Variants in GSE1 observed in about 807,000 individuals in gnomAD.
GSE1 encodes Gse1 coiled-coil protein, also known as genetic suppressor element 1.
GSE1 carries 32 observed loss-of-function variants against 112.6 expected under a neutral mutation model. The ratio of observed to expected loss-of-function variants is 0.28; its 90% confidence interval spans 0.21 to 0.38. The LOEUF is 0.38. Among genes scored for constraint, GSE1 ranks in the 10% least tolerant of loss-of-function variants. GSE1 has a pLI of 1.00. For missense variants in GSE1, 2,348 were observed against 1,699.2 expected (o/e 1.38, Z -6.71); for synonymous variants, 1,115 against 735.6 (o/e 1.52, Z -8.35).
At chr16:85,378,861 C>A (rs2047482960) in intron 2 of GSE1, among the ~76,000 whole-genome samples, 1 of 152,206 alleles carries the variant, frequency 6.6e-6, no homozygotes, top group African/African-American at 2.4e-5. Context: ...TGCTCCCTCT[C>A]CTCCACTTGA....
chr16:85,564,619 C>T (rs1260865933), intron 1 of GSE1, among the ~76,000 whole-genome samples: 1 of 152,226 alleles, frequency 6.6e-6, no homozygotes, highest in African/African-American at 2.4e-5. Flanking sequence ...GCCACCACTC[C>T]TGCCCCGTTG....
intron 2 of GSE1, among the ~76,000 whole-genome samples, chr16:85,645,941 C>T (rs149339734): frequency 3.7e-4 from 56 of 150,678 alleles, no homozygotes; most frequent in African/African-American, 1.1e-3. Context: ...GCTTCTACCA[C>T]GCATTCTACC....
At position 85,674,611 on chromosome 16, in the gene GSE1, G is replaced by A. The variant is rs980658352; in HGVS notation, c.*2072G>A. ...TCAGGCCTCCTCCTCCATCACAGAT[G>A]TCTGGATGCTTTTGGAAATGGCCTT... On this transcript the variant is annotated 3_prime_UTR_variant, in exon 16 of 16. Coordinates refer to ENST00000253458, the MANE Select transcript of GSE1 (RefSeq NM_014615.5). 6.6e-6 allele frequency: 1 copy of A among 152,276 alleles called. No individual in the cohort carries two copies. The highest frequency in any genetic ancestry group is 1.5e-5 in the Non-Finnish European group (1 of 68,052). The allele number at this position is 152,276 out of a possible 1,614,324, so 9.4% of individuals were successfully genotyped here.
chr16:85,660,632 T>G (rs1328855258), intron 8 of GSE1, among the ~76,000 whole-genome samples: 1 of 151,682 alleles, frequency 6.6e-6, no homozygotes, highest in Non-Finnish European at 1.5e-5. Context: ...GAGTGAGTCT[T>G]TTTTTTTGTT....
intron 2 of GSE1, among the ~76,000 whole-genome samples, chr16:85,641,909 C>T (rs1269099148): frequency 6.6e-6 from 1 of 152,226 alleles, no homozygotes; most frequent in Non-Finnish European, 1.5e-5. Context: ...CATGTCGCCA[C>T]AAGTCCGCCC....
Position 85,656,554 on chromosome 16 carries a change from G to C in GSE1, c.1201G>C (p.Ala401Pro). The change falls in exon 7 of 16, where the codon GCC (alanine) becomes CCC (proline). Residue 401 changes from alanine to proline, a missense_variant. Physicochemically the swap from Ala to Pro is conservative, Grantham distance 27 (BLOSUM62 -1). Transcript: ENST00000253458. Reference sequence around the variant, plus strand: ...GGCCCGGGAGAAGGAGCTGCTGGCCGCCAAGGCCCTGGAGCCCAGCTTCCT... The same window carrying C: ...GGCCCGGGAGAAGGAGCTGCTGGCCCCCAAGGCCCTGGAGCCCAGCTTCCT... ...QRAREKELLA[A>P]KALEPSFLPV... 1 of 1,548,482 alleles carries C rather than the reference G, an allele frequency of 6.5e-7. No individual in the cohort carries two copies. Among genetic ancestry groups the C allele is most frequent in the Non-Finnish European group, 8.7e-7 (1 of 1,146,362 alleles).
chr16:85,463,049 GC>G (rs1253845936), intron 2 of GSE1: 9 of 976,238 alleles, frequency 9.2e-6, no homozygotes, highest in Non-Finnish European at 9.7e-6. Context: ...CCTCCTAGAG[GC>G]CCCGGGTCCC....
At chr16:85,407,329 C>G (rs2048325893) in intron 2 of GSE1, among the ~76,000 whole-genome samples, 1 of 30,672 alleles carries the variant, frequency 3.3e-5, no homozygotes, top group Non-Finnish European at 5.1e-5. Flanking sequence ...CTGTTACTCT[C>G]AGGCCCCCCG....
intron 1 of GSE1, among the ~76,000 whole-genome samples, chr16:85,230,412 G>A (rs766691403): frequency 1.1e-4 from 17 of 152,174 alleles, no homozygotes; most frequent in Non-Finnish European, 2.1e-4. Context: ...TGCAACTGAC[G>A]CAAACCCAAC....
chr16:85,187,717 T>G (rs1401984581), intron 1 of GSE1, among the ~76,000 whole-genome samples: 1 of 152,164 alleles, frequency 6.6e-6, no homozygotes, highest in Non-Finnish European at 1.5e-5. Context: ...TCTCTGGGCC[T>G]TGGGCTCCTC....
chr16:85,601,846 A>G (rs916241281), intron 1 of GSE1, among the ~76,000 whole-genome samples: 1 of 152,184 alleles, frequency 6.6e-6, no homozygotes, highest in African/African-American at 2.4e-5. Context: ...TGCCCTGGAC[A>G]CCAGGGTCTC....
chr16:85,471,898 C>T (rs1047401512), intron 2 of GSE1, among the ~76,000 whole-genome samples: 1 of 152,214 alleles, frequency 6.6e-6, no homozygotes, highest in Non-Finnish European at 1.5e-5. Flanking sequence ...GTTAAGTGCC[C>T]ACTTGTGGCT....
chr16:85,345,185 C>G (rs1168184233), intron 1 of GSE1, among the ~76,000 whole-genome samples: 4 of 150,826 alleles, frequency 2.7e-5, no homozygotes, highest in African/African-American at 7.3e-5. Context: ...CTAAGAAAGG[C>G]TTTCACGTTT....
At chr16:85,633,639 CT>C (rs1245682218) in intron 1 of GSE1, among the ~76,000 whole-genome samples, 1 of 152,216 alleles carries the variant, frequency 6.6e-6, no homozygotes, top group Non-Finnish European at 1.5e-5. Flanking sequence ...CTGGACTGCC[CT>C]GGAGAGGTAG....
intron 2 of GSE1, among the ~76,000 whole-genome samples, chr16:85,426,099 GAGGGAGGA>G (rs1364679575): frequency 3.5e-5 from 1 of 28,678 alleles, no homozygotes; most frequent in Non-Finnish European, 1.8e-4. Flanking sequence ...GAATGAGAGG[GAGGGAGGA>G]AGGAAGGAAG....
At position 85,289,953 on chromosome 16, in the gene GSE1, A is replaced by G. The variant is rs556808915; in HGVS notation, c.2284-67510A>G. Among the ~76,000 whole-genome samples, 88 of 152,298 alleles carry G rather than the reference A, an allele frequency of 5.8e-4. 1 individual carries two copies. The highest frequency in any genetic ancestry group is 2.1e-3 in the African/African-American group (86 of 41,558). On this transcript the variant is annotated intron_variant, in intron 1 of 2. Coordinates refer to the GSE1 transcript ENST00000637419. ...GATTCATTAGATCTGGCTGGAGCCC[A>G]GGAATTTGCATTTTTTAACAAGCGT... is the stretch of plus-strand genomic sequence containing the variant.
In GSE1 at chr16:85,673,336, TAAAA is replaced by T. The variant is rs543792590; in HGVS notation, c.*804_*807del. The T allele has an allele frequency of 1.3e-5, 2 of 148,764 alleles. No individual in the cohort carries two copies. The highest frequency in any genetic ancestry group is 2.1e-4 in the South Asian group (1 of 4,678). The allele number at this position is 148,764 out of a possible 1,614,324, so 9.2% of individuals were successfully genotyped here. A position where few individuals can be genotyped will look rare whatever the true frequency, so the allele number is the denominator to read the frequency against. ...TCAGCCTTGTACTGTGTATATATAT[TAAAA>T]AAAAAACAAAGTTTTGTATGTTTTT... On this transcript the variant is annotated 3_prime_UTR_variant, in exon 16 of 16. Transcript: ENST00000253458.
At chr16:85,530,305 T>C (rs1464344824) in intron 2 of GSE1, among the ~76,000 whole-genome samples, 1 of 152,362 alleles carries the variant, frequency 6.6e-6, no homozygotes. Flanking sequence ...AAAGGAATTA[T>C]GTTAGCCAGA....
intron 14 of GSE1, among the ~76,000 whole-genome samples, chr16:85,670,015 G>C (rs775075534): frequency 3.4e-4 from 52 of 152,220 alleles, no homozygotes; most frequent in Admixed American, 8.5e-4. Flanking sequence ...ACCCCAAAGA[G>C]TCCTGTTAGA....
Sources: allele counts gnomAD v4.1 joint callset (sites outside exome capture counted in the v4.1 genomes callset), GRCh38; gene constraint gnomAD v4.1.1; transcripts MANE v1.5; gene names NCBI Gene and HGNC (gene_info 2026-07-23, HGNC 2026-07-21).